The following GRM7 variants were observed in gnomAD, a reference collection of about 807,000 sequenced individuals.
The protein encoded by GRM7 is glutamate metabotropic receptor 7, also known as metabotropic glutamate receptor 7.
Under a neutral mutation model 84.5 loss-of-function variants are expected in GRM7, and 35 were observed. The observed-to-expected ratio is 0.41, with a 90% CI of 0.32 to 0.55. The LOEUF is 0.55. Among genes scored for constraint, GRM7 ranks in the 20% least tolerant of loss-of-function variants. The pLI is 0.19. For synonymous variants in GRM7, 487 were observed against 455.1 expected (o/e 1.07, Z -0.89); for missense variants, 1,003 against 1,194.6 (o/e 0.84, Z 2.36).
chr3:6,863,244 G>A lies in GRM7; in HGVS notation c.519+1337G>A, dbSNP rs1042288793. Among the ~76,000 whole-genome samples, 2 of 151,770 alleles carry A rather than the reference G, an allele frequency of 1.3e-5. No individual in the cohort carries two copies. Among genetic ancestry groups the A allele is most frequent in the Admixed American group, 6.6e-5 (1 of 15,246 alleles). ...TAAAATGACCCTTTTCCAGTGCATA[G>A]CGGCTCTCTCCCTGGCTGGTGGTAC... On this transcript the variant is annotated intron_variant, in intron 1 of 9. Transcript: ENST00000357716. The surrounding 1 kb of genome is among the most constrained non-coding windows in gnomAD (Gnocchi z 4.8).
At chr3:7,460,669 A>ATT (rs1559338549) in intron 6 of GRM7, among the ~76,000 whole-genome samples, 1 of 152,196 alleles carries the variant, frequency 6.6e-6, no homozygotes. Flanking sequence ...CATGAAATAA[A>ATT]CAGAACTCAG....
intron 2 of GRM7, 94 bp from the exon 3 acceptor site, chr3:7,298,590 C>G: frequency 9.9e-7 from 1 of 1,014,404 alleles, no homozygotes; most frequent in Admixed American, 2.1e-5. Context: ...ATTGCATATC[C>G]GGGATTCAGA....
chr3:7,222,932 CAT>C (rs1559510763), intron 2 of GRM7, among the ~76,000 whole-genome samples: 1 of 152,176 alleles, frequency 6.6e-6, no homozygotes, highest in Non-Finnish European at 1.5e-5. Flanking sequence ...TTGCCATCAA[CAT>C]AAATGACAGC....
At chr3:7,022,290 C>A (rs1384954365) in intron 1 of GRM7, among the ~76,000 whole-genome samples, 1 of 151,060 alleles carries the variant, frequency 6.6e-6, no homozygotes, top group Admixed American at 6.6e-5. Flanking sequence ...TGTGCCACTG[C>A]ACCCCAGCTG....
intron 2 of GRM7, among the ~76,000 whole-genome samples, chr3:7,285,285 G>A (rs1474567098): frequency 2.0e-5 from 3 of 152,142 alleles, no homozygotes; most frequent in African/African-American, 7.2e-5. Flanking sequence ...ATTATTATAT[G>A]ATTAAGATAA....
At chr3:6,874,192 T>G (rs1475126745) in intron 1 of GRM7, among the ~76,000 whole-genome samples, 1 of 152,220 alleles carries the variant, frequency 6.6e-6, no homozygotes, top group Non-Finnish European at 1.5e-5. Flanking sequence ...GCACATTGTT[T>G]GGCATATAGC....
intron 4 of GRM7, among the ~76,000 whole-genome samples, chr3:7,352,905 A>G (rs529615418): frequency 1.0e-3 from 153 of 152,154 alleles, no homozygotes; most frequent in African/African-American, 3.5e-3. Flanking sequence ...TTCTCAATCA[A>G]TGTCCTCACG....
chr3:6,927,475 A>AAGAAAGAAAGAG (rs1210952294), intron 1 of GRM7, among the ~76,000 whole-genome samples: 1 of 61,086 alleles, frequency 1.6e-5, no homozygotes, highest in Non-Finnish European at 4.2e-5. Context: ...GAAAGAAAGA[A>AAGAAAGAAAGAG]AGAAAGAAAG....
intron 1 of GRM7, among the ~76,000 whole-genome samples, chr3:7,018,711 G>A (rs990566607): frequency 6.6e-6 from 1 of 152,210 alleles, no homozygotes; most frequent in African/African-American, 2.4e-5. Flanking sequence ...GCTGGAATAG[G>A]AGTGGAACTG....
chr3:7,634,793 C>CA (rs59904264), intron 8 of GRM7, among the ~76,000 whole-genome samples: 84 of 137,606 alleles, frequency 6.1e-4, no homozygotes, highest in Middle Eastern at 7.2e-3. Context: ...GACTCTGTCT[C>CA]AAAAAAAAAA....
intron 1 of GRM7, among the ~76,000 whole-genome samples, chr3:7,118,346 T>C (rs1214855750): frequency 6.6e-6 from 1 of 151,878 alleles, no homozygotes; most frequent in African/African-American, 2.4e-5. Flanking sequence ...GCTGTGGTCA[T>C]ACCACCATCC....
chr3:6,940,457 C>T (rs1461550879), intron 1 of GRM7, among the ~76,000 whole-genome samples: 1 of 152,172 alleles, frequency 6.6e-6, no homozygotes, highest in East Asian at 1.9e-4. Context: ...AGATCTTATG[C>T]TTTAACTCAC....
intron 9 of GRM7, among the ~76,000 whole-genome samples, chr3:7,712,655 GTTTT>G (rs1266850331): frequency 2.1e-5 from 3 of 140,540 alleles, no homozygotes; most frequent in African/African-American, 5.3e-5. Flanking sequence ...TTGTTTGTTT[GTTTT>G]GTTTTGTGGT....
intron 4 of GRM7, among the ~76,000 whole-genome samples, chr3:7,310,768 G>T (rs968067961): frequency 1.4e-4 from 22 of 152,126 alleles, no homozygotes; most frequent in African/African-American, 5.3e-4. Context: ...TGAAAATATG[G>T]TTGAAAGCTT....
intron 9 of GRM7, among the ~76,000 whole-genome samples, chr3:7,728,065 G>A (rs114275516): frequency 0.011 from 1,654 of 152,180 alleles, 41 homozygotes; most frequent in African/African-American, 0.038. Context: ...TCTGAGATCC[G>A]CAGTCAAAAC....
intron 1 of GRM7, among the ~76,000 whole-genome samples, chr3:7,014,632 GA>G (rs1695497100): frequency 6.6e-6 from 1 of 152,128 alleles, no homozygotes; most frequent in South Asian, 2.1e-4. Flanking sequence ...AGCATATTTT[GA>G]AAACAATAAT....
intron 1 of GRM7, among the ~76,000 whole-genome samples, chr3:6,895,718 A>C (rs1696154645): frequency 6.6e-6 from 1 of 152,172 alleles, no homozygotes; most frequent in African/African-American, 2.4e-5. Context: ...GGTTAAGCAA[A>C]GTGGGAAAAT....
intron 9 of GRM7, among the ~76,000 whole-genome samples, chr3:7,708,108 A>AT (rs1234418200): frequency 6.6e-6 from 1 of 151,256 alleles, no homozygotes; most frequent in Admixed American, 6.6e-5. Context: ...GGTTTCTGTC[A>AT]TTTTATTTGC....
chr3:7,159,059 A>C (rs113649791), intron 2 of GRM7, among the ~76,000 whole-genome samples: 19 of 152,282 alleles, frequency 1.2e-4, no homozygotes, highest in African/African-American at 4.6e-4. Context: ...AATTCTGCCC[A>C]TATATTAAAG....
Sources: allele counts gnomAD v4.1 joint callset (sites outside exome capture counted in the v4.1 genomes callset), GRCh38; gene constraint gnomAD v4.1.1; non-coding constraint Gnocchi (gnomAD v3.1); transcripts MANE v1.5; gene names NCBI Gene and HGNC (gene_info 2026-07-23, HGNC 2026-07-21).